Variants in SEPTIN3 observed in about 807,000 individuals in gnomAD.
SEPTIN3 encodes septin 3.
Under a neutral mutation model 45.1 loss-of-function variants are expected in SEPTIN3, and 15 were observed. That is an observed-to-expected ratio of 0.33 (90% confidence interval 0.22 to 0.51). The LOEUF (loss-of-function observed/expected upper bound fraction) is 0.51. Ranked by LOEUF, SEPTIN3 falls within the 20% of genes least tolerant of loss-of-function variation. SEPTIN3 has a pLI of 0.97. For synonymous variants in SEPTIN3, 148 were observed against 164.8 expected (o/e 0.90, Z 0.78); for missense variants, 289 against 457.2 (o/e 0.63, Z 3.35).
intron 3 of SEPTIN3, among the ~76,000 whole-genome samples, chr22:41,985,045 C>T (rs898055666): frequency 4.0e-5 from 6 of 151,540 alleles, no homozygotes; most frequent in East Asian, 1.9e-4. Context: ...TTAGAAGAGA[C>T]GGTGTTTCAC....
At chr22:41,974,231 C>A (rs552640599) in intron 2 of SEPTIN3, among the ~76,000 whole-genome samples, 10 of 151,932 alleles carry the variant, frequency 6.6e-5, no homozygotes, top group African/African-American at 2.4e-4. Context: ...CAGCATCTCC[C>A]GGGATTGTTT....
rs2077935762 is a variant in SEPTIN3 at position 41,969,508 on chromosome 22, TG to T, written c.-188del. 1 of 152,484 alleles carries T rather than the reference TG, an allele frequency of 6.6e-6. No homozygotes were observed. Among genetic ancestry groups the T allele is most frequent in the Admixed American group, 6.6e-5 (1 of 15,250 alleles). 9.4% of individuals were successfully genotyped at this position (152,484 alleles called of 1,614,324 possible). A position where few individuals can be genotyped will look rare whatever the true frequency, so the allele number is the denominator to read the frequency against. On this transcript the variant is annotated 5_prime_UTR_variant, in exon 1 of 12. Transcript: ENST00000644076. ...GGACAGTGAGCAGAGGGCTGGGCCC[TG>T]TGCCTGGGGACTGTGGCCTGGAGGC... is the stretch of plus-strand genomic sequence containing the variant.
At chr22:41,990,345 T>C (rs909960407) in intron 7 of SEPTIN3, among the ~76,000 whole-genome samples, 12 of 150,234 alleles carry the variant, frequency 8.0e-5, no homozygotes, top group Non-Finnish European at 1.5e-4. Flanking sequence ...TGAGCCACCG[T>C]GCCCAGCCCT....
rs2078400591 is a variant in SEPTIN3 at position 41,994,887 on chromosome 22, GT to G, written c.2505+174del. ...GGTATTTGTGGAGCATCTTGTCTGT[GT>G]GTGTGTGTGTGTGTGTGTGTGTGTG... On this transcript the variant is annotated intron_variant, in intron 11 of 11. Coordinates refer to ENST00000644076, the MANE Select transcript of SEPTIN3 (RefSeq NM_001363845.2). The surrounding 1 kb of genome is among the most constrained non-coding windows in gnomAD (Gnocchi z 4.2). 29 of 566,598 alleles carry G rather than the reference GT, an allele frequency of 5.1e-5. No individual in the cohort carries two copies. Among genetic ancestry groups the G allele is most frequent in the Non-Finnish European group, 7.1e-5 (28 of 395,360 alleles). 35.1% of individuals were successfully genotyped at this position (566,598 alleles called of 1,614,324 possible).
Position 41,996,950 on chromosome 22 carries a change from T to C in SEPTIN3, c.2554T>C (p.Cys852Arg). 6.2e-7 allele frequency: 1 copy of C among 1,614,032 alleles called. No homozygotes were observed. Among genetic ancestry groups the C allele is most frequent in the Non-Finnish European group, 8.5e-7 (1 of 1,179,914 alleles). ...TVLPPVPATPCPTAE is the reference protein window; with the variant it reads ...TVLPPVPATPRPTAE ...CCTTCCACCTGTGCCAGCCACCCCCTGCCCCACTGCTGAATGAAGGCCATT... is the reference window on the plus strand; with the variant it reads ...CCTTCCACCTGTGCCAGCCACCCCCCGCCCCACTGCTGAATGAAGGCCATT... Residue 852 changes from cysteine (C) to arginine (R), a missense_variant, in exon 12 of 12, where the codon TGC becomes CGC. Physicochemically the swap from Cys to Arg is radical, Grantham distance 180. Transcript: ENST00000644076.
intron 6 of SEPTIN3, 120 bp from the exon 7 acceptor site, chr22:41,989,447 T>C (rs1273009389): frequency 4.2e-6 from 3 of 715,966 alleles, no homozygotes; most frequent in Admixed American, 1.9e-5. Context: ...TAGCAGCCTC[T>C]TGGCCTCAGC....
Position 41,980,129 on chromosome 22 carries a change from C to CTTT in SEPTIN3, c.1505-1492_1505-1490dup, listed in dbSNP as rs569424612. Among the ~76,000 whole-genome samples the CTTT allele has an allele frequency of 7.8e-4, 81 of 103,402 alleles. 13 individuals carry two copies. The highest frequency in any genetic ancestry group is 3.6e-3 in the African/African-American group (69 of 19,242). The allele number at this position is 103,402 out of a possible 152,430, so 67.8% of individuals were successfully genotyped here. A position where few individuals can be genotyped will look rare whatever the true frequency, so the allele number is the denominator to read the frequency against. ...GGGACTGTAAGATATTGCTCAGTGCCTTTTTTTTTTTTTTTTTTTTTTTTT... is the reference window on the plus strand; with the variant it reads ...GGGACTGTAAGATATTGCTCAGTGCCTTTTTTTTTTTTTTTTTTTTTTTTTTTT... On this transcript the variant is annotated intron_variant, in intron 2 of 11. Transcript: ENST00000644076.
intron 1 of SEPTIN3, among the ~76,000 whole-genome samples, chr22:41,971,056 G>C (rs1303519123): frequency 6.6e-6 from 1 of 152,172 alleles, no homozygotes; most frequent in Non-Finnish European, 1.5e-5. Flanking sequence ...GGAAGAGAAA[G>C]GGAGAGACGT....
Position 41,994,621 on chromosome 22 carries a change from G to T in SEPTIN3, c.2412G>T (p.Arg804Ser), listed in dbSNP as rs2078392937. ...CTTCTTCTCACCCTGTGTCCTCTAGGACCCACCTCCAGGACCTCAAGGAAG... is the reference window on the plus strand; with the variant it reads ...CTTCTTCTCACCCTGTGTCCTCTAGTACCCACCTCCAGGACCTCAAGGAAG... ...EFALLRDFVI[R>S]THLQDLKEVT... is the part of the protein sequence containing the mutation. Residue 804 changes from arginine to serine, a missense_variant and splice_region_variant, in exon 11 of 12, where the codon AGG (arginine) becomes AGT (serine). Physicochemically the swap from Arg to Ser is moderately radical, Grantham distance 110 (BLOSUM62 -1). This residue lies in a region of SEPTIN3 where 84 missense variants were observed against 114.7 expected (regional missense o/e 0.73). Coordinates refer to ENST00000644076, the MANE Select transcript of SEPTIN3 (RefSeq NM_001363845.2). This position sits in a 1 kb window ranked among gnomAD's most constrained non-coding sequence, Gnocchi z 4.2. 1 of 1,613,880 alleles carries T rather than the reference G, an allele frequency of 6.2e-7. No homozygotes were observed. The highest frequency in any genetic ancestry group is 8.5e-7 in the Non-Finnish European group (1 of 1,179,994).
At position 41,997,081 on chromosome 22, in the gene SEPTIN3, C is replaced by T; in HGVS notation, c.*114C>T. 1.3e-6 allele frequency: 2 copies of T among 1,566,130 alleles called. No individual in the cohort carries two copies. The highest frequency in any genetic ancestry group is 1.8e-5 in the Admixed American group (1 of 56,154). Reference sequence around the variant, plus strand: ...CTCACCACCACAGCCCCTCTCAGCCCTCAGTAGGTGGGAGGGGCCAGCTGC... The same window carrying T: ...CTCACCACCACAGCCCCTCTCAGCCTTCAGTAGGTGGGAGGGGCCAGCTGC... On this transcript the variant is annotated 3_prime_UTR_variant, in exon 12 of 12. Coordinates refer to ENST00000644076, the MANE Select transcript of SEPTIN3 (RefSeq NM_001363845.2).
chr22:41,978,876 G>A (rs903872952), intron 2 of SEPTIN3, among the ~76,000 whole-genome samples: 1 of 147,750 alleles, frequency 6.8e-6, no homozygotes, highest in African/African-American at 2.5e-5. Flanking sequence ...CCTGGGAGTA[G>A]CAGTGGGGCT....
rs114095389 is a variant in SEPTIN3, at chr22:41,981,311, G to A, written c.1505-334G>A. 5.1e-3 allele frequency: 1,281 copies of A among 252,304 alleles called. 21 individuals carry two copies. The highest frequency in any genetic ancestry group is 0.026 in the African/African-American group (1,196 of 45,224). The allele number at this position is 252,304 out of a possible 1,614,324, so 15.6% of individuals were successfully genotyped here. A position where few individuals can be genotyped will look rare whatever the true frequency, so the allele number is the denominator to read the frequency against. ...AGCCTCCCACAATAATTACTCAAAT[G>A]TCATTAGTGCCAAGATGGAGCAGCC... is the stretch of plus-strand genomic sequence containing the variant. On this transcript the variant is annotated intron_variant, in intron 2 of 11. Transcript: ENST00000644076.
chr22:41,990,920 T>C (rs2078304129), intron 7 of SEPTIN3, among the ~76,000 whole-genome samples: 1 of 150,870 alleles, frequency 6.6e-6, no homozygotes, highest in South Asian at 2.1e-4. Flanking sequence ...AAAAATTAGC[T>C]GGGCGTGGTG....
Position 41,994,945 on chromosome 22 carries a change from CTG to C in SEPTIN3, c.2505+240_2505+241del. On this transcript the variant is annotated intron_variant, in intron 11 of 11. Transcript: ENST00000644076. This position sits in a 1 kb window ranked among gnomAD's most constrained non-coding sequence, Gnocchi z 4.2. ...TGTGACAGAGAGAGAGCGAGAGAGCCTGTGTGTGTGCATGCAGGGGTGAGGTA... is the reference window on the plus strand; with the variant it reads ...TGTGACAGAGAGAGAGCGAGAGAGCCTGTGTGTGCATGCAGGGGTGAGGTA... 1 of 1,422,780 alleles carries C rather than the reference CTG, an allele frequency of 7.0e-7. No individual in the cohort carries two copies. The highest frequency in any genetic ancestry group is 9.2e-7 in the Non-Finnish European group (1 of 1,089,814). 88.1% of individuals were successfully genotyped at this position (1,422,780 alleles called of 1,614,324 possible). A position where few individuals can be genotyped will look rare whatever the true frequency, so the allele number is the denominator to read the frequency against.
chr22:41,986,792 C>T (rs1224294952), intron 4 of SEPTIN3, among the ~76,000 whole-genome samples: 1 of 152,106 alleles, frequency 6.6e-6, no homozygotes, highest in Non-Finnish European at 1.5e-5. Context: ...TGAGCAACCA[C>T]GCCCGGCCCG....
intron 3 of SEPTIN3, 54 bp downstream of exon 3, chr22:41,981,890 C>T (rs1285396381): frequency 6.6e-7 from 1 of 1,513,588 alleles, no homozygotes; most frequent in Non-Finnish European, 9.1e-7. Context: ...CACCAAGGAT[C>T]CCATTTCTTT....
intron 7 of SEPTIN3, among the ~76,000 whole-genome samples, chr22:41,990,007 A>G (rs2078278990): frequency 6.6e-6 from 1 of 151,730 alleles, no homozygotes; most frequent in Non-Finnish European, 1.5e-5. Flanking sequence ...GGCTAGACTA[A>G]TTAGTGAGTC....
rs370572199 is a variant in SEPTIN3 at position 41,991,651 on chromosome 22, G to C, written c.2242G>C (p.Glu748Gln). ...TGATGAGGATTTGGAGGATAAGACG[G>C]AGAATGACAAAATCAGGGTGGGTGC... ...EFDEDLEDKT[E>Q]NDKIRQESMP... Residue 748 changes from glutamate (E) to glutamine (Q), a missense_variant, in exon 8 of 12, where the codon GAG becomes CAG. Transcript: ENST00000644076. The C allele has an allele frequency of 7.1e-5, 114 of 1,613,354 alleles. No individual in the cohort carries two copies. Among genetic ancestry groups the C allele is most frequent in the Non-Finnish European group, 9.4e-5 (111 of 1,179,384 alleles).
intron 1 of SEPTIN3, 78 bp from the exon 2 acceptor site, chr22:41,971,396 C>T (rs1399315186): frequency 2.5e-6 from 1 of 398,200 alleles, no homozygotes; most frequent in African/African-American, 2.1e-5. Context: ...AGCTGCTGGT[C>T]AGGAAGGGGA....
Sources: gnomAD v4.1 joint callset for allele counts (sites outside exome capture counted in the v4.1 genomes callset) on GRCh38, gnomAD v4.1.1 for gene constraint, gnomAD v4.1.1 regional missense constraint, Gnocchi (gnomAD v3.1) non-coding constraint, MANE v1.5 for transcripts, NCBI Gene and HGNC (gene_info 2026-07-23, HGNC 2026-07-21) for gene names.